Variants in SPAG17 observed in about 807,000 individuals in gnomAD.
SPAG17 encodes the protein sperm-associated antigen 17.
A neutral mutation model predicts 273.6 loss-of-function variants in SPAG17; 169 were observed. That is an observed-to-expected ratio of 0.62 (90% CI 0.55 to 0.70). The LOEUF is 0.70. Ranked by LOEUF, SPAG17 falls within the 30% of genes least tolerant of loss-of-function variation. The pLI is 0.00. For synonymous variants in SPAG17, 825 were observed against 873.2 expected, an observed-to-expected ratio of 0.94 and a Z score of 0.97; for missense variants, 2,557 against 2,627.8, an observed-to-expected ratio of 0.97 and a Z score of 0.59.
intron 3 of SPAG17, among the ~76,000 whole-genome samples, chr1:118,132,248 G>A (rs1219915318): frequency 6.6e-6 from 1 of 152,146 alleles, no homozygotes; most frequent in African/African-American, 2.4e-5. Context: ...ATGAGACTGG[G>A]GAAGAGTGAC....
chr1:118,059,673 G>T (rs1652075900), intron 18 of SPAG17, among the ~76,000 whole-genome samples: 1 of 151,996 alleles, frequency 6.6e-6, no homozygotes, highest in Non-Finnish European at 1.5e-5. Context: ...ATTATATAAT[G>T]ATGTAGTCAT....
chr1:118,061,405 G>C (rs1402600818), intron 18 of SPAG17, among the ~76,000 whole-genome samples: 3 of 152,212 alleles, frequency 2.0e-5, no homozygotes, highest in African/African-American at 7.2e-5. Context: ...TATAAACCTA[G>C]AGGATATTAT....
intron 23 of SPAG17, among the ~76,000 whole-genome samples, chr1:118,038,509 G>C (rs76083545): frequency 0.057 from 8,642 of 152,198 alleles, 358 homozygotes; most frequent in South Asian, 0.11. Flanking sequence ...GCCAAAAGCT[G>C]GAGGCAACCA....
At position 118,011,734 on chromosome 1, in the gene SPAG17, C is replaced by G. The variant is rs1659487330; in HGVS notation, c.4432+494G>C. On this transcript the variant is annotated intron_variant, in intron 30 of 48. Transcript: ENST00000336338. ...CTTAAAAGTTTTAAATAAATGAATA[C>G]ATAAATAAAACACACACACACACAG... 2.0e-5 allele frequency among the ~76,000 whole-genome samples: 3 copies of G among 151,954 alleles called. 1 individual carries two copies. In the South Asian group the frequency reaches 6.2e-4, roughly 32 times the overall value.
chr1:118,002,727 A>T (rs891968560), intron 32 of SPAG17, among the ~76,000 whole-genome samples: 1 of 152,068 alleles, frequency 6.6e-6, no homozygotes, highest in African/African-American at 2.4e-5. Context: ...GTCTTTGCAC[A>T]TGAGATGGGT....
intron 43 of SPAG17, among the ~76,000 whole-genome samples, chr1:117,979,771 A>G (rs74114958): frequency 2.5e-4 from 38 of 152,232 alleles, no homozygotes; most frequent in African/African-American, 9.1e-4. Flanking sequence ...CCCCTCAGGA[A>G]CTTCTTACCT....
chr1:118,044,619 C>T (rs1318192441), intron 20 of SPAG17, among the ~76,000 whole-genome samples: 1 of 152,052 alleles, frequency 6.6e-6, no homozygotes, highest in African/African-American at 2.4e-5. Context: ...GATTTGTGTT[C>T]CTGCTCAAAT....
At chr1:118,181,126 C>A (rs1281638053) in intron 1 of SPAG17, among the ~76,000 whole-genome samples, 2 of 151,602 alleles carry the variant, frequency 1.3e-5, no homozygotes, top group Non-Finnish European at 2.9e-5. Flanking sequence ...AAGAAAATAT[C>A]TATAGAATAT....
intron 15 of SPAG17, among the ~76,000 whole-genome samples, chr1:118,074,844 T>A (rs1437928008): frequency 2.6e-5 from 4 of 152,262 alleles, no homozygotes; most frequent in African/African-American, 9.6e-5. Flanking sequence ...ATATCTTAAA[T>A]CATACCAGAT....
chr1:118,121,383 G>A (rs562726032), intron 3 of SPAG17, among the ~76,000 whole-genome samples: 1 of 152,116 alleles, frequency 6.6e-6, no homozygotes, highest in Non-Finnish European at 1.5e-5. Context: ...TATATCAGGG[G>A]GTCCCATCCC....
chr1:117,996,356 T>C lies in SPAG17; in HGVS notation c.5053+14A>G, dbSNP rs760712013. 3 of 1,608,680 alleles carry C rather than the reference T, an allele frequency of 1.9e-6. No individual in the cohort carries two copies. In the East Asian group the frequency reaches 6.7e-5, roughly 36 times the overall value. ...AAGAGACACCGTGCATTCCAGACAG[T>C]ATGGGTCCTCTACCTGGCTGTTCCT... is the stretch of plus-strand genomic sequence containing the variant. On this transcript the variant is annotated intron_variant, in intron 34 of 48. Coordinates refer to ENST00000336338, the MANE Select transcript of SPAG17 (RefSeq NM_206996.4).
intron 22 of SPAG17, among the ~76,000 whole-genome samples, chr1:118,039,724 C>T (rs1049472144): frequency 6.6e-6 from 1 of 152,070 alleles, no homozygotes; most frequent in African/African-American, 2.4e-5. Context: ...AATATGCATA[C>T]CAAAGCCCTG....
intron 1 of SPAG17, among the ~76,000 whole-genome samples, chr1:118,159,507 ATTTG>A (rs1398285177): frequency 6.6e-6 from 1 of 152,202 alleles, no homozygotes; most frequent in African/African-American, 2.4e-5. Context: ...CCTTTTGTAA[ATTTG>A]TTGAGTACCA....
At chr1:117,999,194 G>A (rs574753087) in intron 32 of SPAG17, among the ~76,000 whole-genome samples, 6 of 152,244 alleles carry the variant, frequency 3.9e-5, no homozygotes, top group African/African-American at 1.4e-4. Context: ...ATTCCATGGT[G>A]TATATGTGCC....
chr1:118,118,402 G>A (rs1460939207), intron 3 of SPAG17, among the ~76,000 whole-genome samples: 1 of 152,180 alleles, frequency 6.6e-6, no homozygotes, highest in Non-Finnish European at 1.5e-5. Context: ...GCAGCGAGCT[G>A]GCAGTGCTTG....
chr1:118,173,050 T>A (rs1028734161), intron 1 of SPAG17, among the ~76,000 whole-genome samples: 10 of 151,822 alleles, frequency 6.6e-5, no homozygotes, highest in Non-Finnish European at 1.5e-5. Flanking sequence ...AAAATCAGAA[T>A]TTATTAAAAA....
intron 36 of SPAG17, 140 bp downstream of exon 36, chr1:117,992,326 C>T (rs529849376): frequency 1.4e-6 from 1 of 737,424 alleles, no homozygotes; most frequent in African/African-American, 1.8e-5. Flanking sequence ...TCTCAACCCT[C>T]TACTCTGAAA....
chr1:118,157,137 T>A (rs920052024), intron 1 of SPAG17, among the ~76,000 whole-genome samples: 4 of 152,156 alleles, frequency 2.6e-5, no homozygotes, highest in Admixed American at 1.3e-4. Context: ...AAATCAGAGA[T>A]GTTCACTTGG....
intron 28 of SPAG17, among the ~76,000 whole-genome samples, chr1:118,019,033 CAA>C (rs10629525): frequency 1.0e-4 from 10 of 95,884 alleles, no homozygotes; most frequent in Middle Eastern, 5.4e-3. Context: ...GACCATGTCT[CAA>C]AAAAAAAAAA....
Sources: allele counts gnomAD v4.1 joint callset (sites outside exome capture counted in the v4.1 genomes callset), GRCh38; gene constraint gnomAD v4.1.1; transcripts MANE v1.5; gene names NCBI Gene and HGNC (gene_info 2026-07-23, HGNC 2026-07-21).